KANK2: variants seen among roughly 807,000 people sequenced by gnomAD.
KANK2 encodes KN motif and ankyrin repeat domains 2.
In KANK2, 41 loss-of-function variants were observed where a neutral mutation model predicts 74.6. That is an observed-to-expected ratio of 0.55 (90% CI 0.43 to 0.71). KANK2 has a LOEUF of 0.71. Ranked by LOEUF, KANK2 falls within the 30% of genes least tolerant of loss-of-function variation. The probability of loss-of-function intolerance (pLI) is 0.00; values close to 1 mark genes in which losing one functional copy is unlikely to be tolerated. For synonymous variants in KANK2, 537 were observed against 519.0 expected (o/e 1.03, Z -0.47); for missense variants, 1,148 against 1,196.4 (o/e 0.96, Z 0.60).
upstream of KANK2, chr19:11,197,621 C>T (rs113390889): frequency 0.044 from 6,641 of 151,680 alleles, 214 homozygotes; most frequent in Non-Finnish European, 0.062. Context: ...CCCCCCCAGC[C>T]GGCACCGCCC....
chr19:11,193,800 C>T lies in KANK2; in HGVS notation c.280G>A (p.Asp94Asn), dbSNP rs764401398. ...TAGGAATAGGCTGAGTGGCGGCTGT[C>T]CCCACTGGCATTGGAGCACAGCGAC... ...TESLCSNASG[D>N]SRHSAYSYCG... is the part of the protein sequence containing the mutation. Residue 94 changes from aspartate to asparagine, a missense_variant, in exon 4 of 13, where the codon GAC (aspartate) becomes AAC (asparagine). Asp to Asn is a conservative substitution (Grantham distance 23). Coordinates refer to ENST00000586659, the MANE Select transcript of KANK2 (RefSeq NM_001136191.3). The surrounding 1 kb of genome is among the most constrained non-coding windows in gnomAD (Gnocchi z 9.6). 3 of 1,612,666 alleles carry T rather than the reference C, an allele frequency of 1.9e-6. No homozygotes were observed. The highest frequency in any genetic ancestry group is 2.2e-5 in the South Asian group (2 of 91,086).
At chr19:11,176,980 A>G (rs1369637154) in intron 6 of KANK2, among the ~76,000 whole-genome samples, 163 bp from the exon 7 acceptor site, 1 of 152,054 alleles carries the variant, frequency 6.6e-6, no homozygotes, top group Non-Finnish European at 1.5e-5. Flanking sequence ...GTTTACAGCA[A>G]CTGGCACACA....
At chr19:11,168,129 A>G (rs1382955804) in intron 12 of KANK2, among the ~76,000 whole-genome samples, 1 of 151,210 alleles carries the variant, frequency 6.6e-6, no homozygotes, top group African/African-American at 2.4e-5. Context: ...AAGCCTCCAG[A>G]ATAGCTGAGA....
chr19:11,181,369 C>T (rs572320892), intron 4 of KANK2, among the ~76,000 whole-genome samples: 1 of 151,794 alleles, frequency 6.6e-6, no homozygotes, highest in South Asian at 2.1e-4. Context: ...GCCTCAGCCT[C>T]CTGAATAGTT....
In KANK2 at chr19:11,195,626, G is replaced by A. The variant is rs1397375907; in HGVS notation, c.-84C>T. ...GGGCTGGGGCTCCAGGGGCACCTGAGCTTGTCCTTGTTCTCCCGTCCTGTC... is the reference window on the plus strand; with the variant it reads ...GGGCTGGGGCTCCAGGGGCACCTGAACTTGTCCTTGTTCTCCCGTCCTGTC... On this transcript the variant is annotated 5_prime_UTR_variant, in exon 2 of 13. Transcript: ENST00000586659. The A allele has an allele frequency of 6.6e-6, 1 of 152,602 alleles. No homozygotes were observed. Among genetic ancestry groups the A allele is most frequent in the Non-Finnish European group, 1.5e-5 (1 of 68,384 alleles). The allele number at this position is 152,602 out of a possible 1,614,324, so 9.5% of individuals were successfully genotyped here.
At chr19:11,172,010 C>G (rs2078189585) in intron 10 of KANK2, among the ~76,000 whole-genome samples, 1 of 143,522 alleles carries the variant, frequency 7.0e-6, no homozygotes, top group African/African-American at 2.6e-5. Flanking sequence ...GAGTCTCACT[C>G]TGTAGCCCAG....
At chr19:11,192,228 G>A (rs7249669) in intron 4 of KANK2, among the ~76,000 whole-genome samples, 3,278 of 152,148 alleles carry the variant, frequency 0.022, 64 homozygotes, top group Non-Finnish European at 0.037. Context: ...TAAACCAACA[G>A]CCTTGGGGAA....
rs768197221 is a variant in KANK2, at chr19:11,166,603, T to C, written c.2511A>G (p.Pro837=). The change falls in exon 13 of 13, where the codon CCA becomes CCG. Residue 837 remains proline, a synonymous_variant. Coordinates refer to ENST00000586659, the MANE Select transcript of KANK2 (RefSeq NM_001136191.3). ...ATGTAGGGCTCTCGTCATCTGACATTGGGGCAAACTGAAACAGAGAAGCAG... is the reference window on the plus strand; with the variant it reads ...ATGTAGGGCTCTCGTCATCTGACATCGGGGCAAACTGAAACAGAGAAGCAG... ...SRMNIKCSFA[P]MSDDESPTSS... 3 of 1,614,122 alleles carry C rather than the reference T, an allele frequency of 1.9e-6. No individual in the cohort carries two copies. Among genetic ancestry groups the C allele is most frequent in the Non-Finnish European group, 1.7e-6 (2 of 1,179,976 alleles).
chr19:11,173,863 T>C (rs387865), intron 9 of KANK2, among the ~76,000 whole-genome samples: 108,754 of 152,008 alleles, frequency 0.72, 39,467 homozygotes, highest in African/African-American at 0.81. Flanking sequence ...CTCTGCCATT[T>C]GACTGGGAAG....
In KANK2 at chr19:11,170,501, T is replaced by C. The variant is rs1012087491; in HGVS notation, c.2212-253A>G. ...AGGAAATGATGGATACAGGTTTCCT[T>C]TGGGGGTGAAGAGAACGTTCTGGAA... On this transcript the variant is annotated intron_variant, in intron 10 of 12. Transcript: ENST00000586659. The surrounding 1 kb of genome is among the most constrained non-coding windows in gnomAD (Gnocchi z 5.2). 11 of 561,448 alleles carry C rather than the reference T, an allele frequency of 2.0e-5. No homozygotes were observed. The highest frequency in any genetic ancestry group is 1.5e-4 in the African/African-American group (8 of 53,286). 34.8% of individuals were successfully genotyped at this position (561,448 alleles called of 1,614,324 possible). A position where few individuals can be genotyped will look rare whatever the true frequency, so the allele number is the denominator to read the frequency against.
At chr19:11,175,342 T>C (rs1264361753) in intron 8 of KANK2, among the ~76,000 whole-genome samples, 1 of 142,894 alleles carries the variant, frequency 7.0e-6, no homozygotes, top group Non-Finnish European at 1.5e-5. Flanking sequence ...GCAGGAGAAT[T>C]GCTTGAACCT....
rs369125193 is a variant in KANK2, at chr19:11,171,663, C to T, written c.2211+1318G>A. On this transcript the variant is annotated intron_variant, in intron 10 of 12. Transcript: ENST00000586659. ...GTGCTGGGGTTACAGGCATGAGCCA[C>T]CTTGGTGAGCCTCACCTTAATTTTT... 7.3e-5 allele frequency among the ~76,000 whole-genome samples: 11 copies of T among 151,430 alleles called. No homozygotes were observed. In the East Asian group the frequency reaches 2.2e-3, roughly 30 times the overall value.
intron 8 of KANK2, among the ~76,000 whole-genome samples, chr19:11,175,427 C>CAAAAAAAAAAA (rs753933217): frequency 2.7e-4 from 4 of 14,970 alleles, no homozygotes; most frequent in African/African-American, 7.4e-4. Context: ...GACTCCCTCT[C>CAAAAAAAAAAA]AAAAAAAAAA....
At chr19:11,194,658 C>T in intron 2 of KANK2, 68 bp from the exon 3 acceptor site, 1 of 637,130 alleles carries the variant, frequency 1.6e-6, no homozygotes, top group East Asian at 2.8e-5. Context: ...ATGAGGCCAG[C>T]CCCCTCCACA....
At chr19:11,187,716 T>C (rs1209248442) in intron 4 of KANK2, among the ~76,000 whole-genome samples, 1 of 152,210 alleles carries the variant, frequency 6.6e-6, no homozygotes, top group Non-Finnish European at 1.5e-5. Context: ...AACTGCAAAA[T>C]GAAGGCCCTG....
intron 4 of KANK2, among the ~76,000 whole-genome samples, chr19:11,191,937 T>C (rs1232600189): frequency 6.6e-6 from 1 of 152,134 alleles, no homozygotes; most frequent in African/African-American, 2.4e-5. Flanking sequence ...TGCATGCCTG[T>C]AGACCCAGCT....
Position 11,172,837 on chromosome 19 carries a change from C to G in KANK2, c.2211+144G>C. Reference sequence around the variant, plus strand: ...TATCCTCTACTCCTTCTAGTTTCCACAAGAAGGTCCTGTGTCAGAGACAGC... The same window carrying G: ...TATCCTCTACTCCTTCTAGTTTCCAGAAGAAGGTCCTGTGTCAGAGACAGC... On this transcript the variant is annotated intron_variant, in intron 10 of 12. Transcript: ENST00000586659. The G allele has an allele frequency of 3.6e-6, 3 of 826,860 alleles. No homozygotes were observed. In the East Asian group the frequency reaches 7.3e-5, roughly 20 times the overall value. The allele number at this position is 826,860 out of a possible 1,614,324, so 51.2% of individuals were successfully genotyped here.
At chr19:11,172,439 C>T (rs1302910713) in intron 10 of KANK2, among the ~76,000 whole-genome samples, 1 of 152,164 alleles carries the variant, frequency 6.6e-6, no homozygotes, top group East Asian at 1.9e-4. Flanking sequence ...TCCTCACTGT[C>T]CTCAGTGGGT....
intron 4 of KANK2, among the ~76,000 whole-genome samples, chr19:11,185,522 G>A (rs995282348): frequency 6.7e-6 from 1 of 149,340 alleles, no homozygotes; most frequent in African/African-American, 2.5e-5. Context: ...AAAAAAAAAC[G>A]TAAAAATCAT....
Sources: allele counts gnomAD v4.1 joint callset (sites outside exome capture counted in the v4.1 genomes callset), GRCh38; gene constraint gnomAD v4.1.1; non-coding constraint Gnocchi (gnomAD v3.1); transcripts MANE v1.5; gene names NCBI Gene and HGNC (gene_info 2026-07-23, HGNC 2026-07-21).